The following ITGBL1 variants were observed in gnomAD, a reference collection of about 807,000 sequenced individuals.
ITGBL1 encodes integrin beta-like protein 1.
ITGBL1 carries 51 observed loss-of-function variants against 68.5 expected under a neutral mutation model. The ratio of observed to expected loss-of-function variants is 0.74; its 90% CI spans 0.59 to 0.94. The LOEUF is 0.94. Ranked by LOEUF, ITGBL1 falls within the 40% of genes least tolerant of loss-of-function variation. The pLI, the probability that ITGBL1 is intolerant of heterozygous loss-of-function variation, is 0.00. For missense variants in ITGBL1, 649 were observed against 647.4 expected (o/e 1.00, Z -0.03); for synonymous variants, 209 against 227.3 (o/e 0.92, Z 0.72).
At chr13:101,600,715 G>T (rs1366094958) in intron 7 of ITGBL1, among the ~76,000 whole-genome samples, 1 of 152,106 alleles carries the variant, frequency 6.6e-6, no homozygotes, top group Non-Finnish European at 1.5e-5. Flanking sequence ...TTTGTCTTTG[G>T]TTCTGTTTAT....
chr13:101,647,836 G>A (rs978190942), intron 7 of ITGBL1, among the ~76,000 whole-genome samples: 13 of 152,184 alleles, frequency 8.5e-5, no homozygotes, highest in Admixed American at 8.5e-4. Context: ...CAAAGCATTT[G>A]CCAATTCAAG....
intron 7 of ITGBL1, among the ~76,000 whole-genome samples, chr13:101,679,913 G>A (rs1007987253): frequency 6.6e-6 from 1 of 152,172 alleles, no homozygotes; most frequent in Non-Finnish European, 1.5e-5. Flanking sequence ...TTGCTTAAAT[G>A]TCTTAGTTCC....
chr13:101,691,902 G>A (rs922980360), intron 7 of ITGBL1, among the ~76,000 whole-genome samples: 2 of 152,192 alleles, frequency 1.3e-5, no homozygotes, highest in Admixed American at 6.6e-5. Context: ...GAATGATAGT[G>A]TTTGACACAT....
chr13:101,481,071 C>CAT (rs2048614421), intron 2 of ITGBL1, among the ~76,000 whole-genome samples: 2 of 40,466 alleles, frequency 4.9e-5, no homozygotes, highest in Admixed American at 3.1e-4. Flanking sequence ...CACACACATA[C>CAT]ATATATATAC....
At chr13:101,719,943 C>T (rs1011997269), downstream of ITGBL1, 2 of 152,042 alleles carry the variant, frequency 1.3e-5, no homozygotes, top group South Asian at 2.1e-4. Context: ...TTTTCTTTGG[C>T]ATGGTAAAGG....
At chr13:101,602,501 CAAAG>C (rs1375094803) in intron 7 of ITGBL1, among the ~76,000 whole-genome samples, 4 of 151,882 alleles carry the variant, frequency 2.6e-5, no homozygotes, top group Non-Finnish European at 4.4e-5. Context: ...AGAAAGGAAA[CAAAG>C]ACTTTCTTCA....
chr13:101,481,594 T>C (rs1446339312), intron 2 of ITGBL1, among the ~76,000 whole-genome samples: 1 of 152,058 alleles, frequency 6.6e-6, no homozygotes, highest in Non-Finnish European at 1.5e-5. Flanking sequence ...GTCTTTTTGG[T>C]TTGAATTTCA....
intron 6 of ITGBL1, among the ~76,000 whole-genome samples, chr13:101,594,490 G>A (rs899477980): frequency 3.3e-5 from 5 of 151,940 alleles, no homozygotes; most frequent in Admixed American, 6.6e-5. Context: ...TCGAAGAAAC[G>A]TAGGAGAAAA....
At position 101,488,509 on chromosome 13, in the gene ITGBL1, C is replaced by T. The variant is rs138187219; in HGVS notation, c.316+34409C>T. On this transcript the variant is annotated intron_variant, in intron 2 of 10. Coordinates refer to ENST00000376180, the MANE Select transcript of ITGBL1 (RefSeq NM_004791.3). ...GTTTCCTGGTCACAGGCTTTGAACC[C>T]GGAAAGACCTAAGCTGACTGTCAAC... 9.3e-4 allele frequency among the ~76,000 whole-genome samples: 141 copies of T among 152,254 alleles called. 3 individuals are homozygous for T. The highest frequency in any genetic ancestry group is 3.3e-3 in the African/African-American group (137 of 41,548).
At chr13:101,653,698 C>CTTTTT (rs3063728) in intron 7 of ITGBL1, among the ~76,000 whole-genome samples, 1 of 150,176 alleles carries the variant, frequency 6.7e-6, no homozygotes, top group African/African-American at 2.4e-5. Flanking sequence ...GAGAAGGCTT[C>CTTTTT]TTTTTTTTTG....
At chr13:101,581,344 T>A (rs914859260) in intron 5 of ITGBL1, among the ~76,000 whole-genome samples, 10 of 152,184 alleles carry the variant, frequency 6.6e-5, no homozygotes, top group Non-Finnish European at 1.5e-4. Context: ...ATTCATTTTT[T>A]AAAATCTAGA....
At chr13:101,684,070 G>A (rs947892819) in intron 7 of ITGBL1, among the ~76,000 whole-genome samples, 4 of 151,872 alleles carry the variant, frequency 2.6e-5, no homozygotes, top group Non-Finnish European at 5.9e-5. Context: ...TAATTCAAAT[G>A]GTTAATATTT....
chr13:101,540,283 T>C (rs2049669869), intron 2 of ITGBL1, among the ~76,000 whole-genome samples: 1 of 152,202 alleles, frequency 6.6e-6, no homozygotes, highest in African/African-American at 2.4e-5. Flanking sequence ...CTAGCCAGTT[T>C]TCCCAGCACC....
intron 8 of ITGBL1, among the ~76,000 whole-genome samples, chr13:101,697,291 T>C (rs1478166221): frequency 6.6e-6 from 1 of 152,150 alleles, no homozygotes; most frequent in Non-Finnish European, 1.5e-5. Context: ...CATTAATTGA[T>C]CATCCTAGAA....
intron 2 of ITGBL1, among the ~76,000 whole-genome samples, chr13:101,539,621 C>T (rs541201480): frequency 4.0e-5 from 6 of 151,618 alleles, no homozygotes; most frequent in Admixed American, 2.0e-4. Context: ...CCTGAGGAAT[C>T]GCCACACTGA....
intron 4 of ITGBL1, among the ~76,000 whole-genome samples, chr13:101,576,260 G>A (rs1287342187): frequency 6.6e-6 from 1 of 152,088 alleles, no homozygotes; most frequent in Non-Finnish European, 1.5e-5. Context: ...GCTCGTGTCT[G>A]TGTGATGCCA....
chr13:101,538,337 T>G (rs1312554423), intron 2 of ITGBL1, among the ~76,000 whole-genome samples: 1 of 151,000 alleles, frequency 6.6e-6, no homozygotes, highest in Non-Finnish European at 1.5e-5. Flanking sequence ...GATAACAGAC[T>G]AGAAGTAATG....
At position 101,699,233 on chromosome 13, in the gene ITGBL1, G is replaced by T. The variant is rs561035530; in HGVS notation, c.1132+6532G>T. Among the ~76,000 whole-genome samples the T allele has an allele frequency of 5.9e-5, 9 of 152,320 alleles. No homozygotes were observed. The East Asian group carries it at 1.5e-3, about 26-fold the overall frequency. ...CAGTTAGTCCTGTGTTTGGCTGAAG[G>T]TGATAGACACAAATACTGAGTCTTC... On this transcript the variant is annotated intron_variant, in intron 8 of 10. Transcript: ENST00000376180.
chr13:101,482,941 T>C (rs1265348946), intron 2 of ITGBL1, among the ~76,000 whole-genome samples: 3 of 152,200 alleles, frequency 2.0e-5, no homozygotes, highest in Non-Finnish European at 4.4e-5. Flanking sequence ...AGACTCTGGC[T>C]GTGGAGCTCA....
Sources: gnomAD v4.1 joint callset for allele counts (sites outside exome capture counted in the v4.1 genomes callset) on GRCh38, gnomAD v4.1.1 for gene constraint, MANE v1.5 for transcripts, NCBI Gene and HGNC (gene_info 2026-07-23, HGNC 2026-07-21) for gene names.